The following CYP27C1 variants were observed in gnomAD, a reference collection of about 807,000 sequenced individuals.
The protein encoded by CYP27C1 is cytochrome P450 27C1.
In CYP27C1, 29 loss-of-function variants were observed where a neutral mutation model predicts 40.6. The ratio of observed to expected loss-of-function variants is 0.71; its 90% CI spans 0.53 to 0.97. The LOEUF (loss-of-function observed/expected upper bound fraction) is 0.97. CYP27C1 is among the 50% of genes least tolerant of loss of function. The probability of loss-of-function intolerance (pLI) is 0.00; values close to 1 mark genes in which losing one functional copy is unlikely to be tolerated. For synonymous variants in CYP27C1, 198 were observed against 186.8 expected, an observed-to-expected ratio of 1.06 and a Z score of -0.49; for missense variants, 390 against 485.8, an observed-to-expected ratio of 0.80 and a Z score of 1.85.
At chr2:127,204,555 G>GAGAGAAAGAAAGAA (rs1553503372) in intron 2 of CYP27C1, among the ~76,000 whole-genome samples, 10 of 39,182 alleles carry the variant, frequency 2.6e-4, no homozygotes, top group East Asian at 2.9e-3. Context: ...GAGAGAGAGA[G>GAGAGAAAGAAAGAA]AGAAAGAAAG....
At position 127,184,448 on chromosome 2, in the gene CYP27C1, C is replaced by G. The variant is rs1235675238; in HGVS notation, c.*2823G>C. 6.6e-6 allele frequency: 1 copy of G among 151,034 alleles called. No homozygotes were observed. The highest frequency in any genetic ancestry group is 1.5e-5 in the Non-Finnish European group (1 of 67,880). 9.4% of individuals were successfully genotyped at this position (151,034 alleles called of 1,614,324 possible). A position where few individuals can be genotyped will look rare whatever the true frequency, so the allele number is the denominator to read the frequency against. The stretch of plus-strand genomic sequence containing the variant: ...TTTTTTTTAGATACGGAGTTTCGTT[C>G]TTGTTGCCCAGGTGGAGTGCAGTGG... On this transcript the variant is annotated 3_prime_UTR_variant, in exon 9 of 9. Coordinates refer to ENST00000664447, the MANE Select transcript of CYP27C1 (RefSeq NM_001367502.1).
Position 127,199,055 on chromosome 2 carries a change from C to A in CYP27C1, c.1047+321G>T, listed in dbSNP as rs143207578. Among the ~76,000 whole-genome samples the A allele has an allele frequency of 5.6e-3, 845 of 152,240 alleles. 7 individuals carry two copies. Among genetic ancestry groups the A allele is most frequent in the African/African-American group, 0.019 (773 of 41,542 alleles). On this transcript the variant is annotated intron_variant, in intron 5 of 8. Coordinates refer to ENST00000664447, the MANE Select transcript of CYP27C1 (RefSeq NM_001367502.1). Reference sequence around the variant, plus strand: ...ATCCCAGCACTTTGGGAGGCCAAGGCGGGTGGATCACCTGAGGCCGGGAGT... The same window carrying A: ...ATCCCAGCACTTTGGGAGGCCAAGGAGGGTGGATCACCTGAGGCCGGGAGT...
chr2:127,192,347 A>G (rs1682798527), intron 8 of CYP27C1, among the ~76,000 whole-genome samples: 1 of 152,214 alleles, frequency 6.6e-6, no homozygotes, highest in African/African-American at 2.4e-5. Flanking sequence ...AGTCTTCTCC[A>G]ACTTGCAGGA....
At chr2:127,197,934 G>A (rs1421570569) in intron 5 of CYP27C1, among the ~76,000 whole-genome samples, 1 of 151,798 alleles carries the variant, frequency 6.6e-6, no homozygotes, top group East Asian at 1.9e-4. Flanking sequence ...CCCTCCACGC[G>A]CTGCTCTGTG....
In CYP27C1 at chr2:127,189,028, C is replaced by T. The variant is rs76580378; in HGVS notation, c.1498-1641G>A. Reference sequence around the variant, plus strand: ...TCAGAAACGCCTGCTCATTCCCATGCGGTAGAGGGAAGACTCACATGTGGA... The same window carrying T: ...TCAGAAACGCCTGCTCATTCCCATGTGGTAGAGGGAAGACTCACATGTGGA... On this transcript the variant is annotated intron_variant, in intron 8 of 8. Transcript: ENST00000664447. 5.7e-3 allele frequency among the ~76,000 whole-genome samples: 866 copies of T among 152,200 alleles called. 15 individuals carry two copies. Among genetic ancestry groups the T allele is most frequent in the African/African-American group, 0.02 (825 of 41,530 alleles).
chr2:127,197,766 C>A (rs1231760631), intron 5 of CYP27C1, among the ~76,000 whole-genome samples: 3 of 152,186 alleles, frequency 2.0e-5, no homozygotes, highest in Non-Finnish European at 4.4e-5. Flanking sequence ...AATTTTACAA[C>A]TGCTTTCACC....
rs1683008968 is a variant in CYP27C1 at position 127,200,541 on chromosome 2, A to G, written c.883+581T>C. On this transcript the variant is annotated intron_variant, in intron 4 of 8. Coordinates refer to ENST00000664447, the MANE Select transcript of CYP27C1 (RefSeq NM_001367502.1). This position sits in a 1 kb window ranked among gnomAD's most constrained non-coding sequence, Gnocchi z 4.2. ...CCAATTTATTTGGAGTAAAGACATC[A>G]TCTTGCATGGACATTTACTTGTACC... is the stretch of plus-strand genomic sequence containing the variant. Among the ~76,000 whole-genome samples, 1 of 152,198 alleles carries G rather than the reference A, an allele frequency of 6.6e-6. No homozygotes were observed. The highest frequency in any genetic ancestry group is 6.5e-5 in the Admixed American group (1 of 15,282).
At chr2:127,204,531 A>G (rs866252980) in intron 2 of CYP27C1, among the ~76,000 whole-genome samples, 3,391 of 45,098 alleles carry the variant, frequency 0.075, 379 homozygotes, top group East Asian at 0.2. Context: ...GAAAGAAAGA[A>G]AGAAAGAGAG....
chr2:127,208,575 C>T lies in CYP27C1; in HGVS notation c.283-2485G>A. 6.6e-6 allele frequency among the ~76,000 whole-genome samples: 1 copy of T among 152,216 alleles called. No homozygotes were observed. Among genetic ancestry groups the T allele is most frequent in the East Asian group, 1.9e-4 (1 of 5,192 alleles). On this transcript the variant is annotated intron_variant, in intron 1 of 8. Coordinates refer to ENST00000664447, the MANE Select transcript of CYP27C1 (RefSeq NM_001367502.1). The surrounding 1 kb of genome is among the most constrained non-coding windows in gnomAD (Gnocchi z 5.2). Reference sequence around the variant, plus strand: ...CTTGGGGGAGGGGCAGCAGCCAGCACTGGGACTCACAACTGCCAACAGGCT... The same window carrying T: ...CTTGGGGGAGGGGCAGCAGCCAGCATTGGGACTCACAACTGCCAACAGGCT...
At chr2:127,190,874 G>A (rs578150586) in intron 8 of CYP27C1, among the ~76,000 whole-genome samples, 7 of 150,086 alleles carry the variant, frequency 4.7e-5, no homozygotes, top group Non-Finnish European at 8.9e-5. Context: ...TTGAACCCGG[G>A]AGACAGAGTT....
Position 127,186,741 on chromosome 2 carries a change from G to T in CYP27C1, c.*530C>A, listed in dbSNP as rs1043430955. The stretch of plus-strand genomic sequence containing the variant: ...GAGCCCTTTAACAGGATCTAAATCT[G>T]GTGCTCAGGATAAAATGTTGCCTCT... On this transcript the variant is annotated 3_prime_UTR_variant, in exon 9 of 9. Transcript: ENST00000664447. This position sits in a 1 kb window ranked among gnomAD's most constrained non-coding sequence, Gnocchi z 4.5. 3 of 152,460 alleles carry T rather than the reference G, an allele frequency of 2.0e-5. No homozygotes were observed. Among genetic ancestry groups the T allele is most frequent in the African/African-American group, 7.2e-5 (3 of 41,392 alleles). The allele number at this position is 152,460 out of a possible 1,614,324, so 9.4% of individuals were successfully genotyped here.
chr2:127,204,222 C>T (rs1683106445), intron 2 of CYP27C1, among the ~76,000 whole-genome samples: 2 of 147,518 alleles, frequency 1.4e-5, no homozygotes, highest in African/African-American at 2.5e-5. Flanking sequence ...GCCAAGATCA[C>T]GCCATTGCAC....
chr2:127,213,344 C>A (rs958717161), intron 1 of CYP27C1, among the ~76,000 whole-genome samples: 1 of 151,194 alleles, frequency 6.6e-6, no homozygotes, highest in African/African-American at 2.4e-5. Flanking sequence ...GAATTGAAGA[C>A]CCCATATAGC....
At chr2:127,203,865 G>A (rs1683097114) in intron 2 of CYP27C1, among the ~76,000 whole-genome samples, 1 of 151,648 alleles carries the variant, frequency 6.6e-6, no homozygotes, top group African/African-American at 2.4e-5. Context: ...AAAAAATCTT[G>A]AAATAATATT....
intron 2 of CYP27C1, among the ~76,000 whole-genome samples, chr2:127,204,539 G>A (rs776788412): frequency 0.053 from 1,838 of 34,902 alleles, 86 homozygotes; most frequent in African/African-American, 0.075. Flanking sequence ...GAAAGAAAGA[G>A]AGAGAGAGAG....
chr2:127,219,690 G>A lies in CYP27C1; in HGVS notation c.282+299C>T, dbSNP rs1335850789. ...CCCTCTGCCTGCTGCCCCTCTCCGG[G>A]GTCCGCTTCCCGAAGACCCCTCCCC... On this transcript the variant is annotated intron_variant, in intron 1 of 8. Transcript: ENST00000664447. The surrounding 1 kb of genome is among the most constrained non-coding windows in gnomAD (Gnocchi z 8.7). Among the ~76,000 whole-genome samples the A allele has an allele frequency of 6.6e-6, 1 of 151,686 alleles. No homozygotes were observed. Among genetic ancestry groups the A allele is most frequent in the Non-Finnish European group, 1.5e-5 (1 of 67,898 alleles).
intron 8 of CYP27C1, among the ~76,000 whole-genome samples, chr2:127,187,611 C>G (rs1244657330): frequency 6.6e-6 from 1 of 152,202 alleles, no homozygotes; most frequent in East Asian, 1.9e-4. Flanking sequence ...GGCATGTCCA[C>G]TAAGCAGCTG....
chr2:127,203,322 G>T, intron 3 of CYP27C1, 50 bp downstream of exon 3: 1 of 1,581,878 alleles, frequency 6.3e-7, no homozygotes, highest in Non-Finnish European at 8.6e-7. Flanking sequence ...CTGCAGGTTT[G>T]GGGCAAGTAT....
At chr2:127,189,583 C>T (rs550533682) in intron 8 of CYP27C1, among the ~76,000 whole-genome samples, 5 of 147,952 alleles carry the variant, frequency 3.4e-5, no homozygotes, top group African/African-American at 1.0e-4. Flanking sequence ...AACAAACCTA[C>T]GTGTTCTGCA....
Sources: allele counts gnomAD v4.1 joint callset (sites outside exome capture counted in the v4.1 genomes callset), GRCh38; gene constraint gnomAD v4.1.1; non-coding constraint Gnocchi (gnomAD v3.1); transcripts MANE v1.5; gene names NCBI Gene and HGNC (gene_info 2026-07-23, HGNC 2026-07-21).